The following CBR1 variants were observed in gnomAD, a reference collection of about 807,000 sequenced individuals.
CBR1 encodes the protein carbonyl reductase 1.
A neutral mutation model predicts 10.6 loss-of-function variants in CBR1; 11 were observed. The ratio of observed to expected loss-of-function variants is 1.03; its 90% CI spans 0.65 to 1.71. CBR1 has a LOEUF of 1.71. CBR1 is among the 40% of genes most tolerant of loss of function. CBR1 has a pLI of 0.00. For missense variants in CBR1, 361 were observed against 368.6 expected, an observed-to-expected ratio of 0.98 and a Z score of 0.17; for synonymous variants, 158 against 156.7, an observed-to-expected ratio of 1.01 and a Z score of -0.06.
rs758492946 is a variant in CBR1 at position 36,071,973 on chromosome 21, A to G, written c.398-473A>G. 2.0e-6 allele frequency: 3 copies of G among 1,535,702 alleles called. No homozygotes were observed. In the South Asian group the frequency reaches 3.6e-5, roughly 18 times the overall value. On this transcript the variant is annotated intron_variant, in intron 2 of 2. Coordinates refer to ENST00000290349, the MANE Select transcript of CBR1 (RefSeq NM_001757.4). ...CAACGTGCTGAAGGTGCTGGACATG[A>G]CTATCACATGTCTTTGGTTGTAAAC...
At position 36,072,558 on chromosome 21, in the gene CBR1, G is replaced by A; in HGVS notation, c.510G>A (p.Gly170=). ...SETITEEELV[G]LMNKFVEDTK... is the part of the protein sequence containing the mutation. ...CCATCACTGAGGAGGAGCTGGTGGG[G>A]CTCATGAACAAGTTTGTGGAGGATA... Residue 170 remains glycine (G), a synonymous_variant, in exon 3 of 3, where the codon GGG becomes GGA. Coordinates refer to ENST00000290349, the MANE Select transcript of CBR1 (RefSeq NM_001757.4). The A allele has an allele frequency of 6.2e-7, 1 of 1,600,806 alleles. No homozygotes were observed. The highest frequency in any genetic ancestry group is 1.1e-5 in the South Asian group (1 of 89,368).
chr21:36,071,822 C>T (rs35710857), intron 2 of CBR1: 187,673 of 1,531,890 alleles, frequency 0.12, 12,911 homozygotes, highest in East Asian at 0.24. Flanking sequence ...CAGCATCCTG[C>T]GTACTGTCTG....
rs935543106 is a variant in CBR1 at position 36,073,101 on chromosome 21, A to T, written c.*219A>T. On this transcript the variant is annotated 3_prime_UTR_variant, in exon 3 of 3. Coordinates refer to ENST00000290349, the MANE Select transcript of CBR1 (RefSeq NM_001757.4). ...GATTTCCTCTGATGCAGGAGAGGAA[A>T]AATTGTAATTGATGAAAATAATGAA... 4 of 436,090 alleles carry T rather than the reference A, an allele frequency of 9.2e-6. No individual in the cohort carries two copies. Among genetic ancestry groups the T allele is most frequent in the Non-Finnish European group, 1.6e-5 (4 of 246,962 alleles). The allele number at this position is 436,090 out of a possible 1,614,324, so 27.0% of individuals were successfully genotyped here.
chr21:36,072,349 GA>G, intron 2 of CBR1, 96 bp from the exon 3 acceptor site: 3 of 1,606,850 alleles, frequency 1.9e-6, no homozygotes, highest in Non-Finnish European at 1.7e-6. Flanking sequence ...TCTCTCATAT[GA>G]AAATTTTCTG....
chr21:36,072,128 T>G, intron 2 of CBR1: 1 of 1,529,372 alleles, frequency 6.5e-7, no homozygotes, highest in Non-Finnish European at 8.8e-7. Context: ...ATGTACAGCT[T>G]ACTCTCAGCT....
At chr21:36,072,255 A>G (rs2065357236) in intron 2 of CBR1, 191 bp from the exon 3 acceptor site, 1 of 1,550,736 alleles carries the variant, frequency 6.4e-7, no homozygotes, top group Middle Eastern at 1.7e-4. Flanking sequence ...CTCAGCCAAA[A>G]TTCGAAGGCA....
At chr21:36,072,010 T>C in intron 2 of CBR1, 2 of 1,525,568 alleles carry the variant, frequency 1.3e-6, no homozygotes, top group Non-Finnish European at 1.8e-6. Flanking sequence ...GCTGTGATAG[T>C]TACCCTAAGT....
chr21:36,071,005 C>G lies in CBR1; in HGVS notation c.345C>G (p.Phe115Leu), dbSNP rs760444957. 1 of 1,613,752 alleles carries G rather than the reference C, an allele frequency of 6.2e-7. No individual in the cohort carries two copies. Among genetic ancestry groups the G allele is most frequent in the South Asian group, 1.1e-5 (1 of 91,070 alleles). The stretch of plus-strand genomic sequence containing the variant: ...CTGAAGTGACGATGAAAACAAATTT[C>G]TTTGGTACCCGAGATGTGTGCACAG... ...IQAEVTMKTN[F>L]FGTRDVCTEL... The change falls in exon 2 of 3, where the codon TTC becomes TTG. Residue 115 changes from phenylalanine to leucine, a missense_variant. Physicochemically the swap from Phe to Leu is conservative, Grantham distance 22. Coordinates refer to ENST00000290349, the MANE Select transcript of CBR1 (RefSeq NM_001757.4).
At chr21:36,071,559 A>G in intron 2 of CBR1, 1 of 564,808 alleles carries the variant, frequency 1.8e-6, no homozygotes, top group East Asian at 2.9e-5. Flanking sequence ...AATCTAAGAT[A>G]TTTCCAGAGG....
chr21:36,070,183 G>A lies in CBR1; in HGVS notation c.68G>A (p.Arg23His), dbSNP rs1374801279. 2 of 1,599,772 alleles carry A rather than the reference G, an allele frequency of 1.3e-6. No individual in the cohort carries two copies. Among genetic ancestry groups the A allele is most frequent in the East Asian group, 2.2e-5 (1 of 44,586 alleles). Residue 23 changes from arginine to histidine, a missense_variant, in exon 1 of 3, where the codon CGC becomes CAC. By Grantham distance (29) the Arg-to-His change is conservative. Coordinates refer to ENST00000290349, the MANE Select transcript of CBR1 (RefSeq NM_001757.4). ...AAGGGCATCGGCTTGGCCATCGTGC[G>A]CGACCTGTGCCGGCTGTTCTCGGGG... ...GNKGIGLAIV[R>H]DLCRLFSGDV...
intron 2 of CBR1, chr21:36,071,944 C>G (rs1282485168): frequency 2.6e-6 from 4 of 1,536,088 alleles, no homozygotes; most frequent in Non-Finnish European, 3.5e-6. Context: ...TTTTAACTCC[C>G]CTTCAACGTG....
rs2065347671 is a variant in CBR1, at chr21:36,070,932, C to T, written c.290-18C>T. 1.4e-6 allele frequency: 2 copies of T among 1,407,104 alleles called. No individual in the cohort carries two copies. Among genetic ancestry groups the T allele is most frequent in the Non-Finnish European group, 2.0e-6 (2 of 1,019,308 alleles). 87.2% of individuals were successfully genotyped at this position (1,407,104 alleles called of 1,614,324 possible). A position where few individuals can be genotyped will look rare whatever the true frequency, so the allele number is the denominator to read the frequency against. ...ATGGGTACAATGTATTAACTATGTT[C>T]TCTTTCTCTCCTAAAAGTTGCTGAT... is the stretch of plus-strand genomic sequence containing the variant. On this transcript the variant is annotated intron_variant, in intron 1 of 2. Coordinates refer to ENST00000290349, the MANE Select transcript of CBR1 (RefSeq NM_001757.4).
chr21:36,071,088 C>T (rs775470312), intron 2 of CBR1, 31 bp downstream of exon 2: 3 of 1,443,870 alleles, frequency 2.1e-6, no homozygotes, highest in Admixed American at 3.3e-5. Flanking sequence ...CGCACCTTCT[C>T]TTTGGGGCTT....
At chr21:36,071,270 C>T (rs1032046144) in intron 2 of CBR1, 11 of 684,890 alleles carry the variant, frequency 1.6e-5, no homozygotes, top group Non-Finnish European at 2.9e-5. Context: ...CCCTGTCGCA[C>T]TGGTCTTTGC....
intron 2 of CBR1, chr21:36,071,449 G>C: frequency 1.7e-6 from 1 of 584,990 alleles, no homozygotes. Flanking sequence ...CAGTTCATTA[G>C]GCCCTTCTAA....
chr21:36,070,853 GT>G (rs66638540), intron 1 of CBR1, 96 bp from the exon 2 acceptor site: 13,657 of 499,292 alleles, frequency 0.027, 736 homozygotes, highest in East Asian at 0.033. Flanking sequence ...AGGGCACTAA[GT>G]TTTTTTTTTT....
chr21:36,070,436 A>G (rs1282792450), intron 1 of CBR1, 32 bp downstream of exon 1: 1 of 1,550,734 alleles, frequency 6.4e-7, no homozygotes, highest in East Asian at 2.3e-5. Context: ...TCCCCGAAGA[A>G]GAACCGATGC....
At chr21:36,071,543 C>T in intron 2 of CBR1, 1 of 560,906 alleles carries the variant, frequency 1.8e-6, no homozygotes, top group Non-Finnish European at 3.2e-6. Context: ...TGATGCCTTT[C>T]CCCACAATCT....
At chr21:36,072,190 G>T in intron 2 of CBR1, 1 of 1,550,376 alleles carries the variant, frequency 6.5e-7, no homozygotes, top group Non-Finnish European at 8.7e-7. Flanking sequence ...TACTTCTAAG[G>T]CTCTGGTTCA....
Sources: gnomAD v4.1 joint callset for allele counts on GRCh38, gnomAD v4.1.1 for gene constraint, MANE v1.5 for transcripts, NCBI Gene and HGNC (gene_info 2026-07-23, HGNC 2026-07-21) for gene names.